The following RASGRF2 variants were observed in gnomAD, a reference collection of about 807,000 sequenced individuals.
The protein encoded by RASGRF2 is Ras protein specific guanine nucleotide releasing factor 2.
A neutral mutation model predicts 151.0 loss-of-function variants in RASGRF2; 76 were observed. The observed-to-expected ratio is 0.50, with a 90% CI of 0.42 to 0.61. The LOEUF (loss-of-function observed/expected upper bound fraction) is 0.61, where lower values mean the gene tolerates loss of function less well. RASGRF2 is among the 20% of genes least tolerant of loss of function. The pLI, the probability that RASGRF2 is intolerant of heterozygous loss-of-function variation, is 0.00. For synonymous variants in RASGRF2, 504 were observed against 566.5 expected, an observed-to-expected ratio of 0.89 and a Z score of 1.57; for missense variants, 1,148 against 1,564.6, an observed-to-expected ratio of 0.73 and a Z score of 4.49.
intron 2 of RASGRF2, among the ~76,000 whole-genome samples, chr5:81,052,429 C>G (rs1450280745): frequency 1.3e-5 from 2 of 152,172 alleles, no homozygotes; most frequent in Non-Finnish European, 2.9e-5. Context: ...CGAACTGTGA[C>G]TGTGAACAGG....
chr5:81,172,370 T>A (rs1404793833), intron 17 of RASGRF2, among the ~76,000 whole-genome samples: 2 of 152,170 alleles, frequency 1.3e-5, no homozygotes, highest in East Asian at 3.8e-4. Context: ...CCATTCTTCA[T>A]GTATTTTTCA....
chr5:81,096,293 A>G (rs938743796), intron 12 of RASGRF2: 2 of 152,230 alleles, frequency 1.3e-5, no homozygotes, highest in African/African-American at 4.8e-5. Context: ...TGCTATATCA[A>G]TTAATAGCAT....
At chr5:81,213,333 G>C (rs1217975521) in intron 23 of RASGRF2, among the ~76,000 whole-genome samples, 1 of 146,284 alleles carries the variant, frequency 6.8e-6, no homozygotes, top group Non-Finnish European at 1.5e-5. Flanking sequence ...GGCTGACCTC[G>C]TCTCAGGGGC....
intron 18 of RASGRF2, among the ~76,000 whole-genome samples, chr5:81,193,823 G>T (rs1286160933): frequency 6.6e-6 from 1 of 152,176 alleles, no homozygotes; most frequent in African/African-American, 2.4e-5. Flanking sequence ...CAGCTCGATA[G>T]TTGCTTTATC....
intron 18 of RASGRF2, among the ~76,000 whole-genome samples, chr5:81,189,139 C>T (rs912492218): frequency 9.9e-5 from 15 of 152,210 alleles, no homozygotes; most frequent in African/African-American, 1.4e-4. Context: ...TGACAGCAGA[C>T]GCCCCGGCCA....
intron 17 of RASGRF2, among the ~76,000 whole-genome samples, chr5:81,176,184 CAG>C (rs1457504742): frequency 1.3e-5 from 2 of 152,150 alleles, no homozygotes; most frequent in African/African-American, 2.4e-5. Flanking sequence ...TACAACTTGC[CAG>C]AGTGTCTGCT....
intron 2 of RASGRF2, among the ~76,000 whole-genome samples, chr5:81,048,862 C>T (rs1468172852): frequency 1.3e-5 from 2 of 152,118 alleles, no homozygotes; most frequent in African/African-American, 4.8e-5. Flanking sequence ...AAAAATCTCT[C>T]CTGTCTTGTA....
At chr5:81,098,118 C>T (rs77220910) in intron 12 of RASGRF2, among the ~76,000 whole-genome samples, 5,819 of 152,044 alleles carry the variant, frequency 0.038, 339 homozygotes, top group African/African-American at 0.13. Flanking sequence ...GAAGGTAGAA[C>T]CAGCAGAGTT....
intron 15 of RASGRF2, among the ~76,000 whole-genome samples, chr5:81,119,156 A>T (rs1177221560): frequency 6.6e-6 from 1 of 152,124 alleles, no homozygotes; most frequent in Non-Finnish European, 1.5e-5. Context: ...TCTGTCCATT[A>T]CCCAGTTCCA....
At chr5:81,137,224 G>A (rs969794930) in intron 17 of RASGRF2, among the ~76,000 whole-genome samples, 2 of 152,110 alleles carry the variant, frequency 1.3e-5, no homozygotes, top group Non-Finnish European at 2.9e-5. Context: ...ATTGTAAAAT[G>A]GGCTTTGTGT....
chr5:81,154,460 T>C (rs1437231420), intron 17 of RASGRF2, among the ~76,000 whole-genome samples: 1 of 152,106 alleles, frequency 6.6e-6, no homozygotes, highest in African/African-American at 2.4e-5. Context: ...AAACTCCTGG[T>C]CTCAAGCGAT....
intron 2 of RASGRF2, among the ~76,000 whole-genome samples, chr5:81,059,313 G>C (rs1475442033): frequency 6.6e-6 from 1 of 151,460 alleles, no homozygotes; most frequent in Non-Finnish European, 1.5e-5. Context: ...GAACCCGGGA[G>C]GCGGAGGTTG....
intron 17 of RASGRF2, among the ~76,000 whole-genome samples, chr5:81,128,620 G>T (rs1753533889): frequency 6.6e-6 from 1 of 152,132 alleles, no homozygotes; most frequent in African/African-American, 2.4e-5. Context: ...GGGAGGGAGG[G>T]CTTGTGGAGT....
At chr5:81,068,645 A>T (rs1216812925) in intron 3 of RASGRF2, among the ~76,000 whole-genome samples, 1 of 152,176 alleles carries the variant, frequency 6.6e-6, no homozygotes, top group African/African-American at 2.4e-5. Context: ...TGAAAAGAAC[A>T]TTTGGATTAA....
At chr5:80,977,464 T>C (rs1216211113) in intron 1 of RASGRF2, among the ~76,000 whole-genome samples, 2 of 152,016 alleles carry the variant, frequency 1.3e-5, no homozygotes, top group African/African-American at 4.8e-5. Context: ...TTTATTTATT[T>C]ATTTATTTAT....
intron 17 of RASGRF2, among the ~76,000 whole-genome samples, chr5:81,143,937 G>T (rs1190617515): frequency 6.6e-6 from 1 of 151,720 alleles, no homozygotes; most frequent in Admixed American, 6.6e-5. Context: ...GGACTTTTTG[G>T]TTATTTGAAT....
At chr5:80,980,552 G>T (rs1232188480) in intron 1 of RASGRF2, among the ~76,000 whole-genome samples, 1 of 152,156 alleles carries the variant, frequency 6.6e-6, no homozygotes, top group Non-Finnish European at 1.5e-5. Context: ...TGAAGCAAGA[G>T]AATAGCTTGA....
intron 1 of RASGRF2, among the ~76,000 whole-genome samples, chr5:81,031,994 C>A (rs549218): frequency 0.8 from 121,290 of 152,102 alleles, 48,849 homozygotes; most frequent in Middle Eastern, 0.92. Flanking sequence ...CAGAAATACA[C>A]ACTACCACCA....
intron 9 of RASGRF2, among the ~76,000 whole-genome samples, chr5:81,089,489 A>G (rs929894632): frequency 6.6e-6 from 1 of 152,198 alleles, no homozygotes; most frequent in Admixed American, 6.5e-5. Flanking sequence ...TTTTTTGATG[A>G]GGATTTAGTG....
Sources: gnomAD v4.1 joint callset for allele counts (sites outside exome capture counted in the v4.1 genomes callset) on GRCh38, gnomAD v4.1.1 for gene constraint, MANE v1.5 for transcripts, NCBI Gene and HGNC (gene_info 2026-07-23, HGNC 2026-07-21) for gene names.